RAI14: variants seen among roughly 807,000 people sequenced by gnomAD.
RAI14 encodes retinoic acid induced 14.
In RAI14, 45 loss-of-function variants were observed where a neutral mutation model predicts 115.4. That is an observed-to-expected ratio of 0.39 (90% CI 0.31 to 0.50). RAI14 has a LOEUF of 0.50. RAI14 is among the 20% of genes least tolerant of loss of function. The probability of loss-of-function intolerance (pLI) is 0.85; values close to 1 mark genes in which losing one functional copy is unlikely to be tolerated. For synonymous variants in RAI14, 371 were observed against 415.4 expected (o/e 0.89, Z 1.30); for missense variants, 939 against 1,131.2 (o/e 0.83, Z 2.44).
At chr5:34,704,816 G>A (rs58441317) in intron 2 of RAI14, among the ~76,000 whole-genome samples, 4,098 of 152,156 alleles carry the variant, frequency 0.027, 99 homozygotes, top group East Asian at 0.1. Context: ...CTTACATTCC[G>A]TAGGAAGTTG....
intron 3 of RAI14, among the ~76,000 whole-genome samples, chr5:34,778,661 T>C (rs960301702): frequency 9.9e-5 from 15 of 151,822 alleles, no homozygotes; most frequent in Non-Finnish European, 4.4e-5. Flanking sequence ...CTCACACCTG[T>C]AACCCCAGTT....
intron 2 of RAI14, among the ~76,000 whole-genome samples, chr5:34,747,076 TC>T (rs1280050896): frequency 6.6e-6 from 1 of 152,228 alleles, no homozygotes; most frequent in Non-Finnish European, 1.5e-5. Context: ...AACCTCTTTT[TC>T]TTCCCAGTCT....
intron 5 of RAI14, among the ~76,000 whole-genome samples, chr5:34,804,872 T>C (rs920850824): frequency 6.6e-6 from 1 of 152,198 alleles, no homozygotes; most frequent in Admixed American, 6.5e-5. Context: ...CCTACCTCAA[T>C]TTTTAAGTAA....
At chr5:34,770,695 C>T (rs1038497938) in intron 3 of RAI14, among the ~76,000 whole-genome samples, 1 of 152,086 alleles carries the variant, frequency 6.6e-6, no homozygotes, top group Non-Finnish European at 1.5e-5. Flanking sequence ...TTGATGTGCT[C>T]AGGAAACAGC....
chr5:34,821,787 T>A lies in RAI14; in HGVS notation c.1050T>A (p.Ser350=), dbSNP rs770846762. ...AAGCTGACCAACAAGATCTTCTCTCTCTATTGCAAGCAAAAGTTGCTTCCC... is the reference window on the plus strand; with the variant it reads ...AAGCTGACCAACAAGATCTTCTCTCACTATTGCAAGCAAAAGTTGCTTCCC... ...SSEADQQDLL[S]LLQAKVASLT... is the part of the protein sequence containing the mutation. The change falls in exon 14 of 18, where the codon TCT becomes TCA. Residue 350 remains serine, a synonymous_variant. Coordinates refer to ENST00000265109, the MANE Select transcript of RAI14 (RefSeq NM_015577.3). 2.5e-6 allele frequency: 4 copies of A among 1,612,820 alleles called. No individual in the cohort carries two copies. The highest frequency in any genetic ancestry group is 3.3e-5 in the Admixed American group (2 of 60,000).
Position 34,751,236 on chromosome 5 carries a change from G to C in RAI14, c.37-6232G>C, listed in dbSNP as rs558747435. On this transcript the variant is annotated intron_variant, in intron 2 of 17. Coordinates refer to ENST00000265109, the MANE Select transcript of RAI14 (RefSeq NM_015577.3). The stretch of plus-strand genomic sequence containing the variant: ...GTGCTTACTGCAACCTCTGCCTCCT[G>C]GGTTCAAGCGATTCTCCTGCCTCAG... 7.1e-4 allele frequency among the ~76,000 whole-genome samples: 107 copies of C among 150,122 alleles called. 1 individual carries two copies. The highest frequency in any genetic ancestry group is 2.6e-3 in the African/African-American group (105 of 40,802).
chr5:34,663,669 AG>A (rs1742876295), intron 1 of RAI14, among the ~76,000 whole-genome samples: 1 of 152,230 alleles, frequency 6.6e-6, no homozygotes, highest in South Asian at 2.1e-4. Flanking sequence ...GCCACACAGT[AG>A]GAGATTAACA....
chr5:34,760,452 T>C (rs1748488764), intron 3 of RAI14, among the ~76,000 whole-genome samples: 1 of 152,140 alleles, frequency 6.6e-6, no homozygotes, highest in Non-Finnish European at 1.5e-5. Context: ...TGGTGGTAAA[T>C]GTTGGGGCTT....
chr5:34,803,444 C>G (rs1754506643), intron 4 of RAI14, among the ~76,000 whole-genome samples: 2 of 152,080 alleles, frequency 1.3e-5, no homozygotes, highest in Non-Finnish European at 2.9e-5. Context: ...ATACTCCCAG[C>G]AACTTGGGAG....
At chr5:34,670,870 C>G (rs1165207548) in intron 1 of RAI14, among the ~76,000 whole-genome samples, 1 of 152,216 alleles carries the variant, frequency 6.6e-6, no homozygotes, top group East Asian at 1.9e-4. Context: ...AATCTAGACA[C>G]AGAGTAGTAA....
chr5:34,740,243 G>A (rs972433445), intron 2 of RAI14, among the ~76,000 whole-genome samples: 1 of 152,182 alleles, frequency 6.6e-6, no homozygotes, highest in Non-Finnish European at 1.5e-5. Flanking sequence ...ACAATAAATA[G>A]ACTCATTGCT....
intron 3 of RAI14, among the ~76,000 whole-genome samples, chr5:34,780,226 G>C (rs2150157727): frequency 6.6e-6 from 1 of 152,262 alleles, no homozygotes; most frequent in East Asian, 1.9e-4. Flanking sequence ...ATTAATTCAA[G>C]ATGGATTAAA....
rs115047556 is a variant in RAI14, at chr5:34,732,031, C to G, written c.37-25437C>G. Among the ~76,000 whole-genome samples the G allele has an allele frequency of 3.2e-3, 492 of 152,272 alleles. 1 individual carries two copies. Among genetic ancestry groups the G allele is most frequent in the African/African-American group, 0.011 (477 of 41,548 alleles). The stretch of plus-strand genomic sequence containing the variant: ...TGTTTTCAGTCTCCTAAAGACTCCT[C>G]GGAGATGACCACAGGCCCTGGAAAT... On this transcript the variant is annotated intron_variant, in intron 2 of 17. Transcript: ENST00000265109.
intron 2 of RAI14, among the ~76,000 whole-genome samples, chr5:34,701,221 C>T (rs1481769478): frequency 6.6e-6 from 1 of 152,172 alleles, no homozygotes; most frequent in Non-Finnish European, 1.5e-5. Flanking sequence ...CAACCTGACT[C>T]TGGCATAACA....
chr5:34,829,887 G>T, intron 17 of RAI14, 90 bp downstream of exon 17: 1 of 1,091,926 alleles, frequency 9.2e-7, no homozygotes, highest in South Asian at 1.5e-5. Context: ...CTAGGAGAAT[G>T]AACAAGAATT....
intron 3 of RAI14, 88 bp downstream of exon 3, chr5:34,757,686 C>T: frequency 7.0e-7 from 1 of 1,437,682 alleles, no homozygotes; most frequent in East Asian, 2.3e-5. Context: ...GGGAATTTCA[C>T]ACGTGCTCCC....
At position 34,708,733 on chromosome 5, in the gene RAI14, G is replaced by A. The variant is rs150461756; in HGVS notation, c.36+21778G>A. Among the ~76,000 whole-genome samples the A allele has an allele frequency of 7.2e-5, 11 of 152,266 alleles. No individual in the cohort carries two copies. The East Asian group carries it at 1.5e-3, about 21-fold the overall frequency. On this transcript the variant is annotated intron_variant, in intron 2 of 17. Coordinates refer to ENST00000265109, the MANE Select transcript of RAI14 (RefSeq NM_015577.3). ...ATAAAATGTCAGTAGTTAAAAAACC[G>A]TGATAAAATTTAAAACCATGGGGGT...
At chr5:34,763,583 C>A (rs1007512362) in intron 3 of RAI14, among the ~76,000 whole-genome samples, 1 of 152,162 alleles carries the variant, frequency 6.6e-6, no homozygotes, top group Non-Finnish European at 1.5e-5. Context: ...AAATATGCTC[C>A]TGGCCTCAAG....
At chr5:34,668,394 A>T (rs1267394042) in intron 1 of RAI14, among the ~76,000 whole-genome samples, 1 of 54,230 alleles carries the variant, frequency 1.8e-5, no homozygotes, top group African/African-American at 7.5e-5. Flanking sequence ...ACTCTGTCTC[A>T]AAAAAAAAAA....
Sources: allele counts gnomAD v4.1 joint callset (sites outside exome capture counted in the v4.1 genomes callset), GRCh38; gene constraint gnomAD v4.1.1; transcripts MANE v1.5; gene names NCBI Gene and HGNC (gene_info 2026-07-23, HGNC 2026-07-21).